Variants in ASCC2 observed in about 807,000 individuals in gnomAD.
ASCC2 encodes the protein ASC-1 complex subunit P100.
In ASCC2, 42 loss-of-function variants were observed where a neutral mutation model predicts 93.5. The ratio of observed to expected loss-of-function variants is 0.45; its 90% confidence interval spans 0.35 to 0.58. The LOEUF (loss-of-function observed/expected upper bound fraction) is 0.58. Among genes scored for constraint, ASCC2 ranks in the 20% least tolerant of loss-of-function variants. The pLI, the probability that ASCC2 is intolerant of heterozygous loss-of-function variation, is 0.00. For missense variants in ASCC2, 859 were observed against 977.6 expected, an observed-to-expected ratio of 0.88 and a Z score of 1.62; for synonymous variants, 364 against 384.2, an observed-to-expected ratio of 0.95 and a Z score of 0.62.
rs749766884 is a variant in ASCC2, at chr22:29,792,502, T to G, written c.1953A>C (p.Lys651Asn). 7 of 1,613,916 alleles carry G rather than the reference T, an allele frequency of 4.3e-6. No homozygotes were observed. The highest frequency in any genetic ancestry group is 5.9e-6 in the Non-Finnish European group (7 of 1,179,956). The change falls in exon 18 of 20, where the codon AAA becomes AAC. Residue 651 changes from lysine (K) to asparagine (N), a missense_variant. Physicochemically the swap from Lys to Asn is moderately conservative, Grantham distance 94. Coordinates refer to ENST00000307790, the MANE Select transcript of ASCC2 (RefSeq NM_032204.5). ...CCTCCTCCTGCCCTTCTCTAGGCAC[T>G]TTGGTTCTCAGCACCTGAGGGATGG... Reference protein sequence around the residue: ...PFTIPQVLRTKVPREGQEEDD... With the variant: ...PFTIPQVLRTNVPREGQEEDD...
intron 4 of ASCC2, among the ~76,000 whole-genome samples, chr22:29,824,386 G>C (rs1602177667): frequency 6.6e-6 from 1 of 152,050 alleles, no homozygotes. Flanking sequence ...AGCCTGAGGT[G>C]GGAATATAAC....
chr22:29,804,409 G>A (rs944791809), intron 13 of ASCC2, among the ~76,000 whole-genome samples: 2 of 152,174 alleles, frequency 1.3e-5, no homozygotes, highest in Admixed American at 1.3e-4. Context: ...CTAAGGCTTC[G>A]ATAGTTGAAG....
chr22:29,804,965 C>T (rs765826480), intron 12 of ASCC2, 135 bp from the exon 13 acceptor site: 19 of 888,330 alleles, frequency 2.1e-5, no homozygotes, highest in Non-Finnish European at 3.0e-5. Flanking sequence ...GTATAGCCCA[C>T]GGGCACCTGG....
chr22:29,813,635 C>A, intron 7 of ASCC2, 93 bp from the exon 8 acceptor site: 1 of 841,620 alleles, frequency 1.2e-6, no homozygotes, highest in Non-Finnish European at 1.9e-6. Flanking sequence ...GTCAGGGTCC[C>A]AAACAGGCAG....
At chr22:29,808,796 T>C (rs2059962652) in intron 8 of ASCC2, among the ~76,000 whole-genome samples, 1 of 137,014 alleles carries the variant, frequency 7.3e-6, no homozygotes, top group Non-Finnish European at 1.5e-5. Context: ...TGAGTGACAG[T>C]GAGACCCTAT....
intron 18 of ASCC2, among the ~76,000 whole-genome samples, chr22:29,791,605 C>T (rs775329833): frequency 2.1e-4 from 32 of 152,198 alleles, no homozygotes; most frequent in African/African-American, 3.1e-4. Context: ...CACTTGAATC[C>T]GGGAGGTGGA....
At chr22:29,807,026 C>A (rs2059751192) in intron 9 of ASCC2, 122 bp from the exon 10 acceptor site, 2 of 705,638 alleles carry the variant, frequency 2.8e-6, no homozygotes, top group Non-Finnish European at 4.6e-6. Context: ...ATCACTTGAG[C>A]CCCAGGAGTT....
intron 9 of ASCC2, 25 bp downstream of exon 9, chr22:29,808,086 A>T (rs764135798): frequency 1.2e-6 from 2 of 1,613,354 alleles, no homozygotes; most frequent in Admixed American, 3.3e-5. Context: ...CCACAACAAC[A>T]TTCTTAATTT....
Position 29,788,927 on chromosome 22 carries a change from G to A in ASCC2, c.*86C>T, listed in dbSNP as rs558631179. 28 of 1,556,168 alleles carry A rather than the reference G, an allele frequency of 1.8e-5. No homozygotes were observed. Among genetic ancestry groups the A allele is most frequent in the Non-Finnish European group, 2.2e-5 (25 of 1,139,852 alleles). On this transcript the variant is annotated 3_prime_UTR_variant, in exon 20 of 20. Coordinates refer to ENST00000307790, the MANE Select transcript of ASCC2 (RefSeq NM_032204.5). ...TGTTGAGGGGTTGAGTTGAACTTGG[G>A]GCCCCTAGTGAGGAGGCCCCAGGCG...
intron 1 of ASCC2, among the ~76,000 whole-genome samples, chr22:29,837,732 T>C (rs1471485744): frequency 6.6e-6 from 1 of 152,196 alleles, no homozygotes; most frequent in African/African-American, 2.4e-5. Flanking sequence ...ACTCTCCCAG[T>C]TACTGTCATA....
At chr22:29,793,816 AG>A (rs2058080499) in intron 15 of ASCC2, 140 bp from the exon 16 acceptor site, 2 of 584,936 alleles carry the variant, frequency 3.4e-6, no homozygotes, top group Non-Finnish European at 5.6e-6. Flanking sequence ...AGCATTGGTG[AG>A]GGCGTGGGAG....
At chr22:29,806,928 C>T (rs771288549) in intron 9 of ASCC2, 24 bp from the exon 10 acceptor site, 3 of 1,590,286 alleles carry the variant, frequency 1.9e-6, no homozygotes, top group Non-Finnish European at 1.7e-6. Flanking sequence ...AAAAAAGACA[C>T]AGGTTTAGGA....
intron 8 of ASCC2, chr22:29,810,358 T>C (rs1475056740): frequency 6.6e-6 from 1 of 152,228 alleles, no homozygotes; most frequent in African/African-American, 2.4e-5. Flanking sequence ...AGTGTCTAGG[T>C]TGGTGCTGAA....
At position 29,804,700 on chromosome 22, in the gene ASCC2, T is replaced by C; in HGVS notation, c.1291A>G (p.Thr431Ala). The C allele has an allele frequency of 6.2e-7, 1 of 1,614,166 alleles. No individual in the cohort carries two copies. The highest frequency in any genetic ancestry group is 1.3e-5 in the African/African-American group (1 of 75,038). The change falls in exon 13 of 20, where the codon ACG (threonine) becomes GCG (alanine). Residue 431 changes from threonine to alanine, a missense_variant. Physicochemically the swap from Thr to Ala is moderately conservative, Grantham distance 58 (BLOSUM62 0). Transcript: ENST00000307790. The stretch of plus-strand genomic sequence containing the variant: ...TGACTGACTGCCTCTGCTGTCACCG[T>C]GACCCCGTTAGGCTCCCCATTAGGC... ...EEPNGEPNGV[T>A]VTAEAVSQAS...
chr22:29,833,404 A>C, intron 1 of ASCC2: 1 of 349,366 alleles, frequency 2.9e-6, no homozygotes, highest in Non-Finnish European at 5.6e-6. Context: ...ACGTGGAAGA[A>C]TAGAACGACA....
In ASCC2 at chr22:29,801,075, G is replaced by C; in HGVS notation, c.1604C>G (p.Ser535Cys). The C allele has an allele frequency of 6.2e-7, 1 of 1,608,754 alleles. No homozygotes were observed. Among genetic ancestry groups the C allele is most frequent in the Non-Finnish European group, 8.5e-7 (1 of 1,175,634 alleles). The change falls in exon 15 of 20, where the codon TCT (serine) becomes TGT (cysteine). Residue 535 changes from serine (S) to cysteine (C), a missense_variant. Physicochemically the swap from Ser to Cys is moderately radical, Grantham distance 112 (BLOSUM62 -1). Transcript: ENST00000307790. Reference protein sequence around the residue: ...MKPDPTPLLTSRHNVFQNDEF... With the variant: ...MKPDPTPLLTCRHNVFQNDEF... ...GTCATTCTGGAAGACGTTGTGGCGA[G>C]ACGTCAGCAGGGGTGTAGGGTCTGG... is the stretch of plus-strand genomic sequence containing the variant.
intron 2 of ASCC2, among the ~76,000 whole-genome samples, chr22:29,827,899 G>GACAC (rs5844872): frequency 0.029 from 1,163 of 39,998 alleles, 318 homozygotes; most frequent in African/African-American, 0.11. Context: ...TCATTCTTCT[G>GACAC]ACACACACAC....
chr22:29,831,243 G>C (rs2063108096), intron 2 of ASCC2, among the ~76,000 whole-genome samples: 1 of 152,178 alleles, frequency 6.6e-6, no homozygotes, highest in African/African-American at 2.4e-5. Context: ...AAAAGAAAAT[G>C]AGAGGCTTTA....
At chr22:29,790,657 T>C in intron 18 of ASCC2, 109 bp from the exon 19 acceptor site, 2 of 1,161,542 alleles carry the variant, frequency 1.7e-6, no homozygotes, top group Non-Finnish European at 2.5e-6. Context: ...ATGCCAGGTG[T>C]GGGGGGAAGC....
Sources: gnomAD v4.1 joint callset for allele counts (sites outside exome capture counted in the v4.1 genomes callset) on GRCh38, gnomAD v4.1.1 for gene constraint, MANE v1.5 for transcripts, NCBI Gene and HGNC (gene_info 2026-07-23, HGNC 2026-07-21) for gene names.